The following TCERG1L variants were observed in gnomAD, a reference collection of about 807,000 sequenced individuals.
TCERG1L encodes the protein transcription elongation regulator 1-like protein.
In TCERG1L, 37 loss-of-function variants were observed where a neutral mutation model predicts 56.3. The observed-to-expected ratio is 0.66, with a 90% CI of 0.51 to 0.87. The LOEUF is 0.87. TCERG1L is among the 40% of genes least tolerant of loss of function. The pLI is 0.00. For missense variants in TCERG1L, 799 were observed against 774.2 expected (o/e 1.03, Z -0.38); for synonymous variants, 324 against 326.3 (o/e 0.99, Z 0.08).
At chr10:131,285,528 G>GAAAGAAAAGA (rs1554899545) in intron 3 of TCERG1L, among the ~76,000 whole-genome samples, 2 of 14,390 alleles carry the variant, frequency 1.4e-4, no homozygotes, top group Non-Finnish European at 2.9e-4. Flanking sequence ...AAGAAAGAGA[G>GAAAGAAAAGA]AAAGAAAAGA....
rs774517531 is a variant in TCERG1L, at chr10:131,166,820, G to A, written c.922C>T (p.Arg308Trp). 1.2e-5 allele frequency: 20 copies of A among 1,613,718 alleles called. No homozygotes were observed. Among genetic ancestry groups the A allele is most frequent in the African/African-American group, 5.3e-5 (4 of 74,924 alleles). Reference protein sequence around the residue: ...PALMLRAQKSRDGDKEDKEPP... With the variant: ...PALMLRAQKSWDGDKEDKEPP... ...ACCTTGTCTTCTTTGTCTCCATCCC[G>A]GCTCTTCTGGGCCCGCAGCATCAGG... The change falls in exon 5 of 12, where the codon CGG (arginine) becomes TGG (tryptophan). Residue 308 changes from arginine (R) to tryptophan (W), a missense_variant. Coordinates refer to ENST00000368642, the MANE Select transcript of TCERG1L (RefSeq NM_174937.4).
At chr10:131,155,573 C>T (rs1425250350) in intron 6 of TCERG1L, among the ~76,000 whole-genome samples, 4 of 152,228 alleles carry the variant, frequency 2.6e-5, no homozygotes, top group Non-Finnish European at 5.9e-5. Context: ...TGCTCTTGCA[C>T]CCAGCAGTGT....
At position 131,134,406 on chromosome 10, in the gene TCERG1L, T is replaced by C. The variant is rs1845652056; in HGVS notation, c.1232A>G (p.Asp411Gly). 1 of 1,595,040 alleles carries C rather than the reference T, an allele frequency of 6.3e-7. No individual in the cohort carries two copies. The highest frequency in any genetic ancestry group is 8.5e-7 in the Non-Finnish European group (1 of 1,170,088). Reference protein sequence around the residue: ...DGSSSEDNREDQDVKTKRNRT... With the variant: ...DGSSSEDNREGQDVKTKRNRT... ...GTTCCTCTTGGTTTTCACATCTTGG[T>C]CTTCCCTGTTGTCTTCAGAACTGGA... The change falls in exon 8 of 12, where the codon GAC becomes GGC. Residue 411 changes from aspartate to glycine, a missense_variant. By Grantham distance (94) the Asp-to-Gly change is moderately conservative. Transcript: ENST00000368642.
intron 7 of TCERG1L, among the ~76,000 whole-genome samples, 169 bp downstream of exon 7, chr10:131,146,337 C>T (rs1338633674): frequency 6.6e-6 from 1 of 152,212 alleles, no homozygotes; most frequent in Non-Finnish European, 1.5e-5. Context: ...AAGGTTTCTG[C>T]AGGAAGTGCC....
At chr10:131,195,600 C>T (rs1238317811) in intron 4 of TCERG1L, among the ~76,000 whole-genome samples, 1 of 152,176 alleles carries the variant, frequency 6.6e-6, no homozygotes, top group Non-Finnish European at 1.5e-5. Flanking sequence ...TGGGAGGCCT[C>T]TTTCTCCAGC....
chr10:131,265,802 G>A (rs1564829257), intron 3 of TCERG1L, among the ~76,000 whole-genome samples: 1 of 152,256 alleles, frequency 6.6e-6, no homozygotes, highest in Non-Finnish European at 1.5e-5. Flanking sequence ...TGCCAGTGGA[G>A]GGTCTTGCCT....
At chr10:131,198,758 GCTGT>G (rs1428580829) in intron 4 of TCERG1L, among the ~76,000 whole-genome samples, 1 of 139,988 alleles carries the variant, frequency 7.1e-6, no homozygotes, top group African/African-American at 2.7e-5. Context: ...TCTAGCAAGG[GCTGT>G]CTGTGAAGAC....
chr10:131,254,914 C>T (rs1485213236), intron 4 of TCERG1L, among the ~76,000 whole-genome samples: 3 of 152,122 alleles, frequency 2.0e-5, no homozygotes, highest in Non-Finnish European at 4.4e-5. Context: ...CCTTATAGAG[C>T]GGTGAGGCTT....
At chr10:131,101,821 CTCCTGAGT>C (rs1425974529) in intron 10 of TCERG1L, among the ~76,000 whole-genome samples, 6 of 152,162 alleles carry the variant, frequency 3.9e-5, no homozygotes. Context: ...CTGCCTCAGC[CTCCTGAGT>C]AACTGGGATT....
intron 7 of TCERG1L, among the ~76,000 whole-genome samples, chr10:131,139,406 G>A (rs1845708544): frequency 6.6e-6 from 1 of 152,178 alleles, no homozygotes; most frequent in Admixed American, 6.5e-5. Flanking sequence ...ACAGGGCAAG[G>A]GTAGGGGGAC....
intron 4 of TCERG1L, among the ~76,000 whole-genome samples, chr10:131,220,609 G>A (rs1283447709): frequency 8.5e-6 from 1 of 117,094 alleles, no homozygotes; most frequent in Admixed American, 9.6e-5. Context: ...GCCACCCTGT[G>A]CTCCTGCAGA....
rs1846228789 is a variant in TCERG1L at position 131,260,646 on chromosome 10, T to A, written c.671-202A>T. Among the ~76,000 whole-genome samples, 1 of 152,140 alleles carries A rather than the reference T, an allele frequency of 6.6e-6. No individual in the cohort carries two copies. The highest frequency in any genetic ancestry group is 2.4e-5 in the African/African-American group (1 of 41,420). ...GTTCTCCATCAGTCAAACGCTGCCA[T>A]GCAACCAGTGCACACACAGAGCCGT... On this transcript the variant is annotated intron_variant, in intron 3 of 11. Coordinates refer to ENST00000368642, the MANE Select transcript of TCERG1L (RefSeq NM_174937.4). The surrounding 1 kb of genome is among the most constrained non-coding windows in gnomAD (Gnocchi z 5.8).
intron 7 of TCERG1L, among the ~76,000 whole-genome samples, chr10:131,145,239 T>C (rs992597897): frequency 1.3e-5 from 2 of 152,244 alleles, no homozygotes; most frequent in Admixed American, 1.3e-4. Context: ...CACCATCTTC[T>C]TGTCCATGAG....
intron 4 of TCERG1L, among the ~76,000 whole-genome samples, chr10:131,219,964 C>T (rs1303305218): frequency 6.6e-6 from 1 of 152,162 alleles, no homozygotes. Flanking sequence ...GCGCGTAGAA[C>T]AGAGGGGCTC....
At chr10:131,250,118 T>C (rs993513496) in intron 4 of TCERG1L, among the ~76,000 whole-genome samples, 11 of 152,210 alleles carry the variant, frequency 7.2e-5, no homozygotes, top group Admixed American at 2.0e-4. Context: ...TGAAGCTGCA[T>C]GCGGCGTGCA....
intron 3 of TCERG1L, among the ~76,000 whole-genome samples, chr10:131,275,716 C>A (rs1846385663): frequency 6.6e-6 from 1 of 152,140 alleles, no homozygotes; most frequent in Non-Finnish European, 1.5e-5. Flanking sequence ...CCAAAAACTA[C>A]TGAAATAAAA....
At chr10:131,266,637 G>C (rs1371178431) in intron 3 of TCERG1L, among the ~76,000 whole-genome samples, 1 of 152,196 alleles carries the variant, frequency 6.6e-6, no homozygotes, top group Non-Finnish European at 1.5e-5. Flanking sequence ...TCTCAGCAGA[G>C]AGGAGGCCCT....
intron 3 of TCERG1L, among the ~76,000 whole-genome samples, chr10:131,305,695 T>C (rs948766436): frequency 5.3e-5 from 8 of 152,100 alleles, no homozygotes; most frequent in African/African-American, 1.9e-4. Context: ...ATGAGTGAGT[T>C]TGATTCACTC....
chr10:131,279,994 G>A (rs4751353), intron 3 of TCERG1L, among the ~76,000 whole-genome samples: 30,056 of 152,090 alleles, frequency 0.2, 3,358 homozygotes, highest in South Asian at 0.3. Context: ...CGTGAGCCCC[G>A]AAAATCAGAG....
Sources: allele counts gnomAD v4.1 joint callset (sites outside exome capture counted in the v4.1 genomes callset), GRCh38; gene constraint gnomAD v4.1.1; non-coding constraint Gnocchi (gnomAD v3.1); transcripts MANE v1.5; gene names NCBI Gene and HGNC (gene_info 2026-07-23, HGNC 2026-07-21).